Variants in PRDM5 observed in about 807,000 individuals in gnomAD.
PRDM5 encodes PR domain zinc finger protein 5.
A neutral mutation model predicts 81.2 loss-of-function variants in PRDM5; 56 were observed. The observed-to-expected ratio is 0.69, with a 90% CI of 0.56 to 0.86. The LOEUF is 0.86. PRDM5 is among the 40% of genes least tolerant of loss of function. The probability of loss-of-function intolerance (pLI) is 0.00; values close to 1 mark genes in which losing one functional copy is unlikely to be tolerated. For missense variants in PRDM5, 697 were observed against 770.1 expected (o/e 0.91, Z 1.12); for synonymous variants, 267 against 256.4 (o/e 1.04, Z -0.39).
intron 2 of PRDM5, among the ~76,000 whole-genome samples, chr4:120,879,564 T>A (rs1326500080): frequency 6.6e-6 from 1 of 152,218 alleles, no homozygotes; most frequent in Non-Finnish European, 1.5e-5. Flanking sequence ...TATTTTCTCT[T>A]TCTTAAGATT....
chr4:120,905,217 C>T (rs1177894915), intron 2 of PRDM5, among the ~76,000 whole-genome samples: 1 of 152,098 alleles, frequency 6.6e-6, no homozygotes, highest in African/African-American at 2.4e-5. Context: ...CTGAAGAAAC[C>T]TTTCAGAATC....
intron 2 of PRDM5, among the ~76,000 whole-genome samples, chr4:120,903,635 C>T (rs929366499): frequency 2.0e-5 from 3 of 152,192 alleles, no homozygotes; most frequent in Admixed American, 6.5e-5. Flanking sequence ...TGTGTCCCCA[C>T]CCAAACCTCA....
chr4:120,826,510 T>C (rs1451981693), intron 3 of PRDM5, among the ~76,000 whole-genome samples: 2 of 152,080 alleles, frequency 1.3e-5, no homozygotes, highest in African/African-American at 4.8e-5. Context: ...TGCTTTTACC[T>C]CCCCAAAAGA....
At chr4:120,807,890 T>G (rs1753219671) in intron 8 of PRDM5, among the ~76,000 whole-genome samples, 2 of 152,154 alleles carry the variant, frequency 1.3e-5, no homozygotes, top group African/African-American at 4.8e-5. Flanking sequence ...TCTGGTGGGT[T>G]CATGGTCTCG....
chr4:120,806,697 T>A (rs1753018878), intron 8 of PRDM5, among the ~76,000 whole-genome samples: 1 of 152,098 alleles, frequency 6.6e-6, no homozygotes, highest in Admixed American at 6.6e-5. Context: ...CAAAAATTAA[T>A]TCAAGATGGA....
At position 120,878,706 on chromosome 4, in the gene PRDM5, A is replaced by G. The variant is rs182695988; in HGVS notation, c.178-25166T>C. Among the ~76,000 whole-genome samples the G allele has an allele frequency of 1.1e-3, 171 of 152,342 alleles. 2 individuals are homozygous for G. Among genetic ancestry groups the G allele is most frequent in the South Asian group, 1.7e-3 (8 of 4,832 alleles). ...ACTCTTAAAATAGGAAAACAACTCA[A>G]TTTTTTAAATGAGCAAAAAAAATCT... is the stretch of plus-strand genomic sequence containing the variant. On this transcript the variant is annotated intron_variant, in intron 2 of 15. Coordinates refer to ENST00000264808, the MANE Select transcript of PRDM5 (RefSeq NM_018699.4).
intron 2 of PRDM5, among the ~76,000 whole-genome samples, chr4:120,854,567 T>C (rs974276285): frequency 1.3e-5 from 2 of 152,168 alleles, no homozygotes; most frequent in Non-Finnish European, 2.9e-5. Context: ...TGAACAATCA[T>C]TTGTTCATTC....
At chr4:120,828,975 C>T (rs1756371547) in intron 3 of PRDM5, among the ~76,000 whole-genome samples, 2 of 151,978 alleles carry the variant, frequency 1.3e-5, no homozygotes, top group Non-Finnish European at 2.9e-5. Flanking sequence ...GACTCAATCA[C>T]AAGTGAAATA....
chr4:120,706,029 G>A (rs1249978081), intron 15 of PRDM5, among the ~76,000 whole-genome samples: 1 of 152,058 alleles, frequency 6.6e-6, no homozygotes, highest in African/African-American at 2.4e-5. Context: ...ATTACAGGGT[G>A]TGAGTGAAAG....
chr4:120,904,695 C>A (rs1367347197), intron 2 of PRDM5, among the ~76,000 whole-genome samples: 1 of 152,142 alleles, frequency 6.6e-6, no homozygotes, highest in East Asian at 1.9e-4. Flanking sequence ...TACTGTGGAA[C>A]TGTCAACTAT....
At chr4:120,745,099 C>T (rs1578563051) in intron 14 of PRDM5, among the ~76,000 whole-genome samples, 2 of 133,036 alleles carry the variant, frequency 1.5e-5, no homozygotes, top group Admixed American at 7.9e-5. Context: ...AAGTGGGCTT[C>T]ATCCCTGGGA....
intron 11 of PRDM5, among the ~76,000 whole-genome samples, chr4:120,784,695 C>T (rs1377786224): frequency 6.6e-6 from 1 of 151,858 alleles, no homozygotes; most frequent in Non-Finnish European, 1.5e-5. Flanking sequence ...AATCATGTGT[C>T]AAAACAAAAC....
chr4:120,904,208 A>AAAAAAAAC (rs1410008827), intron 2 of PRDM5, among the ~76,000 whole-genome samples: 2 of 147,664 alleles, frequency 1.4e-5, no homozygotes, highest in Admixed American at 6.8e-5. Flanking sequence ...AAAAAAAACA[A>AAAAAAAAC]AAAAACCTCC....
intron 3 of PRDM5, among the ~76,000 whole-genome samples, chr4:120,823,887 A>G (rs1231608988): frequency 6.6e-6 from 1 of 152,302 alleles, no homozygotes; most frequent in Non-Finnish European, 1.5e-5. Flanking sequence ...CCTCTCATAC[A>G]TGGCTTAGTG....
At chr4:120,792,563 C>T (rs1395142806) in intron 10 of PRDM5, among the ~76,000 whole-genome samples, 5 of 152,088 alleles carry the variant, frequency 3.3e-5, no homozygotes, top group African/African-American at 7.2e-5. Flanking sequence ...GTCCCACTTC[C>T]GGGTACATCT....
At chr4:120,871,194 T>TTTG (rs144753765) in intron 2 of PRDM5, among the ~76,000 whole-genome samples, 8 of 152,076 alleles carry the variant, frequency 5.3e-5, no homozygotes, top group African/African-American at 9.7e-5. Context: ...CACATAATGT[T>TTTG]TTGTTGTTGT....
At chr4:120,908,727 G>GT (rs1284702391) in intron 1 of PRDM5, among the ~76,000 whole-genome samples, 1 of 152,178 alleles carries the variant, frequency 6.6e-6, no homozygotes, top group Admixed American at 6.5e-5. Context: ...GACTATAATT[G>GT]TAAGTAATTT....
rs189302314 is a variant in PRDM5, at chr4:120,747,678, C to T, written c.1623+6875G>A. Reference sequence around the variant, plus strand: ...ACCTACATCTGAACAATCTGAGGATCAGGGATAAGAAAGTTCATGAAAGAA... The same window carrying T: ...ACCTACATCTGAACAATCTGAGGATTAGGGATAAGAAAGTTCATGAAAGAA... On this transcript the variant is annotated intron_variant, in intron 14 of 15. Coordinates refer to ENST00000264808, the MANE Select transcript of PRDM5 (RefSeq NM_018699.4). Among the ~76,000 whole-genome samples, 279 of 152,212 alleles carry T rather than the reference C, an allele frequency of 1.8e-3. 1 individual carries two copies. Among genetic ancestry groups the T allele is most frequent in the Non-Finnish European group, 2.2e-3 (152 of 68,006 alleles).
chr4:120,859,447 A>G (rs1188962574), intron 2 of PRDM5, among the ~76,000 whole-genome samples: 1 of 152,096 alleles, frequency 6.6e-6, no homozygotes, highest in Non-Finnish European at 1.5e-5. Context: ...CTGGTCTCGA[A>G]TTCTTGGGCT....
Sources: allele counts gnomAD v4.1 joint callset (sites outside exome capture counted in the v4.1 genomes callset), GRCh38; gene constraint gnomAD v4.1.1; transcripts MANE v1.5; gene names NCBI Gene and HGNC (gene_info 2026-07-23, HGNC 2026-07-21).